The following DEPTOR variants were observed in gnomAD, a reference collection of about 807,000 sequenced individuals.
DEPTOR encodes the protein DEP domain-containing mTOR-interacting protein.
DEPTOR carries 41 observed loss-of-function variants against 41.6 expected under a neutral mutation model. The ratio of observed to expected loss-of-function variants is 0.98; its 90% CI spans 0.77 to 1.28. The LOEUF is 1.28. DEPTOR is among the 50% of genes most tolerant of loss of function. DEPTOR has a pLI of 0.00. For missense variants in DEPTOR, 514 were observed against 527.9 expected (o/e 0.97, Z 0.26); for synonymous variants, 195 against 192.3 (o/e 1.01, Z -0.12).
At chr8:119,897,787 G>A (rs764690757) in intron 1 of DEPTOR, among the ~76,000 whole-genome samples, 17 of 152,076 alleles carry the variant, frequency 1.1e-4, no homozygotes, top group Admixed American at 2.6e-4. Context: ...GAGCCACCAC[G>A]CCTGGCCCTT....
intron 4 of DEPTOR, among the ~76,000 whole-genome samples, chr8:119,995,113 A>T (rs1004405291): frequency 2.0e-5 from 3 of 152,116 alleles, no homozygotes; most frequent in African/African-American, 7.2e-5. Context: ...GGCTTACAAC[A>T]CTCTATGTCA....
In DEPTOR at chr8:119,900,380, C is replaced by CTT. The variant is rs377443807; in HGVS notation, c.122+26435_122+26436dup. On this transcript the variant is annotated intron_variant, in intron 1 of 8. Coordinates refer to ENST00000286234, the MANE Select transcript of DEPTOR (RefSeq NM_022783.4). ...TAAATGTCTATTACACACCCCTCAC[C>CTT]TTTTTTTTTTTTTTTTTTTTTTTTG... 8.6e-3 allele frequency among the ~76,000 whole-genome samples: 378 copies of CTT among 43,878 alleles called. 35 individuals carry two copies. The highest frequency in any genetic ancestry group is 9.6e-3 in the Non-Finnish European group (274 of 28,416). 28.8% of individuals were successfully genotyped at this position (43,878 alleles called of 152,430 possible).
At chr8:119,939,681 G>A (rs537819763) in intron 3 of DEPTOR, among the ~76,000 whole-genome samples, 15 of 151,926 alleles carry the variant, frequency 9.9e-5, no homozygotes, top group Admixed American at 3.9e-4. Context: ...TGCCATGTTG[G>A]CCAGGTTGAT....
chr8:119,904,278 C>T (rs1188068416), intron 1 of DEPTOR, among the ~76,000 whole-genome samples: 1 of 151,794 alleles, frequency 6.6e-6, no homozygotes, highest in Non-Finnish European at 1.5e-5. Flanking sequence ...GCCACCACGC[C>T]CAGCTGATTT....
chr8:119,966,121 G>A (rs775696989), intron 4 of DEPTOR, among the ~76,000 whole-genome samples: 10 of 151,954 alleles, frequency 6.6e-5, no homozygotes, highest in African/African-American at 9.7e-5. Context: ...ACATTGTATC[G>A]GGTATTTTAC....
At chr8:120,000,651 C>T (rs1021507357) in intron 4 of DEPTOR, among the ~76,000 whole-genome samples, 2 of 151,762 alleles carry the variant, frequency 1.3e-5, no homozygotes, top group Non-Finnish European at 2.9e-5. Flanking sequence ...TTAGTAGAGA[C>T]GAGGATTCAC....
intron 1 of DEPTOR, among the ~76,000 whole-genome samples, chr8:119,917,130 A>G (rs1424043949): frequency 6.6e-6 from 1 of 152,194 alleles, no homozygotes; most frequent in Admixed American, 6.5e-5. Flanking sequence ...TGTGTGCTCT[A>G]TCCTGTTTCG....
chr8:120,006,663 G>A, intron 6 of DEPTOR, 142 bp from the exon 7 acceptor site: 3 of 624,186 alleles, frequency 4.8e-6, no homozygotes, highest in Non-Finnish European at 8.5e-6. Flanking sequence ...TCTCCATTCA[G>A]CTAAAATATA....
chr8:120,020,007 G>A (rs1211464814), intron 8 of DEPTOR, among the ~76,000 whole-genome samples: 1 of 152,078 alleles, frequency 6.6e-6, no homozygotes, highest in Non-Finnish European at 1.5e-5. Context: ...CACCAGCACT[G>A]CATGTTCCCC....
chr8:120,027,427 G>A (rs923474452), intron 8 of DEPTOR, among the ~76,000 whole-genome samples: 5 of 151,766 alleles, frequency 3.3e-5, no homozygotes, highest in South Asian at 2.1e-4. Context: ...ATTCTAGGCC[G>A]GGCTCAGTGG....
chr8:119,942,685 A>G (rs892479800), intron 3 of DEPTOR, among the ~76,000 whole-genome samples: 1 of 152,172 alleles, frequency 6.6e-6, no homozygotes, highest in Non-Finnish European at 1.5e-5. Flanking sequence ...TAATTTTTCA[A>G]CTTGATAGAA....
chr8:119,990,006 T>G (rs1812127532), intron 4 of DEPTOR, among the ~76,000 whole-genome samples: 1 of 152,224 alleles, frequency 6.6e-6, no homozygotes, highest in African/African-American at 2.4e-5. Context: ...GATGAAATAA[T>G]TTTGTTTTTA....
intron 4 of DEPTOR, among the ~76,000 whole-genome samples, chr8:119,982,206 T>G (rs1828778284): frequency 6.6e-6 from 1 of 152,116 alleles, no homozygotes; most frequent in Non-Finnish European, 1.5e-5. Flanking sequence ...TCGTAATTTC[T>G]CTTCCACAGA....
intron 1 of DEPTOR, among the ~76,000 whole-genome samples, chr8:119,892,806 G>A (rs376645391): frequency 5.9e-4 from 88 of 148,230 alleles, no homozygotes; most frequent in African/African-American, 1.8e-3. Context: ...TTTTTGAGAC[G>A]GAGTCTCGCC....
intron 4 of DEPTOR, among the ~76,000 whole-genome samples, chr8:119,985,329 T>C (rs1428849654): frequency 2.0e-5 from 3 of 152,166 alleles, no homozygotes; most frequent in African/African-American, 7.2e-5. Context: ...TTTTTTTTCA[T>C]GTTTGTTGGC....
intron 8 of DEPTOR, among the ~76,000 whole-genome samples, chr8:120,040,155 A>G (rs889804493): frequency 1.3e-5 from 2 of 152,158 alleles, no homozygotes; most frequent in African/African-American, 4.8e-5. Flanking sequence ...TTAGGCAAGT[A>G]ATAATTTTAA....
rs190024729 is a variant in DEPTOR, at chr8:119,903,942, C to G, written c.123-24458C>G. ...GGTAAATTTAAAATGTGTAGCATTC[C>G]CACCTCCCTTCTGTAAATGTTATTC... On this transcript the variant is annotated intron_variant, in intron 1 of 8. Coordinates refer to ENST00000286234, the MANE Select transcript of DEPTOR (RefSeq NM_022783.4). 1.8e-4 allele frequency among the ~76,000 whole-genome samples: 28 copies of G among 152,160 alleles called. No homozygotes were observed. The East Asian group carries it at 5.2e-3, about 28-fold the overall frequency.
chr8:119,925,570 A>C (rs1827954001), intron 1 of DEPTOR, among the ~76,000 whole-genome samples: 1 of 152,030 alleles, frequency 6.6e-6, no homozygotes, highest in Admixed American at 6.6e-5. Flanking sequence ...TTCAAGGTGA[A>C]ATTTGGGTGG....
chr8:119,891,451 GT>G (rs775202457), intron 1 of DEPTOR, among the ~76,000 whole-genome samples: 3 of 152,010 alleles, frequency 2.0e-5, no homozygotes, highest in Non-Finnish European at 2.9e-5. Context: ...TCCTTCATTG[GT>G]TGAAGAAAAT....
Sources: allele counts gnomAD v4.1 joint callset (sites outside exome capture counted in the v4.1 genomes callset), GRCh38; gene constraint gnomAD v4.1.1; transcripts MANE v1.5; gene names NCBI Gene and HGNC (gene_info 2026-07-23, HGNC 2026-07-21).